RHAG: variants seen among roughly 807,000 people sequenced by gnomAD.
RHAG encodes the protein ammonium transporter Rh type A.
A neutral mutation model predicts 42.4 loss-of-function variants in RHAG; 25 were observed. That is an observed-to-expected ratio of 0.59 (90% confidence interval 0.43 to 0.82). The LOEUF (loss-of-function observed/expected upper bound fraction) is 0.82. RHAG is among the 40% of genes least tolerant of loss of function. The probability of loss-of-function intolerance (pLI) is 0.00; values close to 1 mark genes in which losing one functional copy is unlikely to be tolerated. For missense variants in RHAG, 483 were observed against 504.6 expected (o/e 0.96, Z 0.41); for synonymous variants, 182 against 177.7 (o/e 1.02, Z -0.19).
intron 1 of RHAG, among the ~76,000 whole-genome samples, chr6:49,624,965 ATG>A (rs1762821832): frequency 6.6e-6 from 1 of 152,174 alleles, no homozygotes; most frequent in Non-Finnish European, 1.5e-5. Flanking sequence ...ATGTGTAAAT[ATG>A]TGTTTGTCTG....
At chr6:49,627,866 C>T (rs913593124) in intron 1 of RHAG, among the ~76,000 whole-genome samples, 6 of 152,098 alleles carry the variant, frequency 3.9e-5, no homozygotes, top group Non-Finnish European at 7.4e-5. Flanking sequence ...GATTCAATTA[C>T]CTTCCACTGG....
chr6:49,629,248 T>C (rs1000597010), intron 1 of RHAG, among the ~76,000 whole-genome samples: 3 of 151,764 alleles, frequency 2.0e-5, no homozygotes, highest in Admixed American at 6.6e-5. Context: ...GAGTGCCGAT[T>C]GGTGTATTTA....
chr6:49,624,824 T>C (rs1053970687), intron 1 of RHAG, among the ~76,000 whole-genome samples: 1 of 152,220 alleles, frequency 6.6e-6, no homozygotes, highest in Non-Finnish European at 1.5e-5. Flanking sequence ...CTATCACATG[T>C]AGGATCAATC....
At chr6:49,606,961 G>A in intron 8 of RHAG, 40 bp from the exon 9 acceptor site, 1 of 1,462,854 alleles carries the variant, frequency 6.8e-7, no homozygotes, top group Non-Finnish European at 9.6e-7. Flanking sequence ...TTGTGACGCT[G>A]AAGAGGAAAA....
rs1451866969 is a variant in RHAG, at chr6:49,636,836, C to T, written c.-24G>A. ...ATGTTTGTGGCAAAGGACAGAGGCACACTGAGAGCTTCACAGGCTGTGAGA... is the reference window on the plus strand; with the variant it reads ...ATGTTTGTGGCAAAGGACAGAGGCATACTGAGAGCTTCACAGGCTGTGAGA... On this transcript the variant is annotated 5_prime_UTR_variant, in exon 1 of 10. In the 5' UTR this introduces an upstream ATG that the reference lacks. Transcript: ENST00000371175. 1 of 1,612,990 alleles carries T rather than the reference C, an allele frequency of 6.2e-7. No individual in the cohort carries two copies.
intron 1 of RHAG, among the ~76,000 whole-genome samples, 156 bp downstream of exon 1, chr6:49,636,500 A>G (rs1275227900): frequency 1.3e-5 from 2 of 152,288 alleles, no homozygotes; most frequent in South Asian, 2.1e-4. Context: ...AGAGAAGAAG[A>G]CCAGATGTCA....
intron 1 of RHAG, 105 bp downstream of exon 1, chr6:49,636,551 T>C: frequency 1.7e-6 from 2 of 1,174,322 alleles, no homozygotes; most frequent in Non-Finnish European, 2.6e-6. Flanking sequence ...ATAACCATCA[T>C]ATAATTCTAC....
chr6:49,614,064 C>A (rs1762609999), intron 5 of RHAG, among the ~76,000 whole-genome samples: 1 of 152,138 alleles, frequency 6.6e-6, no homozygotes, highest in Non-Finnish European at 1.5e-5. Flanking sequence ...AACTTGGGAG[C>A]AGTTAACTCT....
At chr6:49,614,119 A>G (rs1762610713) in intron 5 of RHAG, among the ~76,000 whole-genome samples, 1 of 152,066 alleles carries the variant, frequency 6.6e-6, no homozygotes, top group South Asian at 2.1e-4. Flanking sequence ...TTACAAGACT[A>G]CCTTCATTCT....
chr6:49,625,938 C>A (rs1762835830), intron 1 of RHAG, among the ~76,000 whole-genome samples: 1 of 152,172 alleles, frequency 6.6e-6, no homozygotes, highest in South Asian at 2.1e-4. Context: ...CTTTATAAAA[C>A]CATCAGCTCT....
At chr6:49,634,988 A>ACG (rs1364885509) in intron 1 of RHAG, among the ~76,000 whole-genome samples, 2 of 105,970 alleles carry the variant, frequency 1.9e-5, no homozygotes, top group Non-Finnish European at 4.0e-5. Context: ...GTTTGTGTAT[A>ACG]CCTGTGTGTG....
chr6:49,609,941 C>T (rs1332458246), intron 7 of RHAG, among the ~76,000 whole-genome samples: 1 of 151,924 alleles, frequency 6.6e-6, no homozygotes, highest in Non-Finnish European at 1.5e-5. Context: ...AAGCTGGAAA[C>T]CATCATTCTC....
In RHAG at chr6:49,607,104, A is replaced by G. The variant is rs367971927; in HGVS notation, c.1138+46T>C. On this transcript the variant is annotated intron_variant, in intron 8 of 9. Transcript: ENST00000371175. ...GCTCATTAATTATCTATTGTAAATA[A>G]TCTGAGAGCATAAGATACAGGGAAG... The G allele has an allele frequency of 2.7e-6, 4 of 1,495,322 alleles. No homozygotes were observed. The African/African-American group carries it at 4.1e-5, about 15-fold the overall frequency. 92.6% of individuals were successfully genotyped at this position (1,495,322 alleles called of 1,614,324 possible).
Position 49,605,711 on chromosome 6 carries a change from T to C in RHAG, c.*102A>G. ...TACTCCCTTTTTGTTTATTTGGACT[T>C]GATTCTGGATAATGGGAAAGGAAGC... is the stretch of plus-strand genomic sequence containing the variant. On this transcript the variant is annotated 3_prime_UTR_variant, in exon 10 of 10. Transcript: ENST00000371175. 9.0e-7 allele frequency: 1 copy of C among 1,105,792 alleles called. No homozygotes were observed. The highest frequency in any genetic ancestry group is 1.4e-6 in the Non-Finnish European group (1 of 716,086). The allele number at this position is 1,105,792 out of a possible 1,614,324, so 68.5% of individuals were successfully genotyped here.
chr6:49,612,616 G>A, intron 5 of RHAG, 82 bp from the exon 6 acceptor site: 1 of 1,513,934 alleles, frequency 6.6e-7, no homozygotes, highest in East Asian at 2.3e-5. Context: ...GAGTTCAAGA[G>A]ACCCACATCA....
intron 3 of RHAG, among the ~76,000 whole-genome samples, chr6:49,617,322 C>CT (rs1762672488): frequency 6.6e-6 from 1 of 152,162 alleles, no homozygotes; most frequent in South Asian, 2.1e-4. Context: ...TCTCATAGAC[C>CT]TACCCTACAT....
Position 49,626,140 on chromosome 6 carries a change from T to G in RHAG, c.158-6778A>C, listed in dbSNP as rs564036722. 1.5e-4 allele frequency among the ~76,000 whole-genome samples: 23 copies of G among 152,262 alleles called. No homozygotes were observed. In the South Asian group the frequency reaches 4.4e-3, roughly 29 times the overall value. On this transcript the variant is annotated intron_variant, in intron 1 of 9. Coordinates refer to ENST00000371175, the MANE Select transcript of RHAG (RefSeq NM_000324.3). ...CCTCCAAAATCTCATGTTCTTGCAT[T>G]TCAAAACCAATCATGCCTTCCCAAC...
chr6:49,623,636 G>C (rs1762798248), intron 1 of RHAG, among the ~76,000 whole-genome samples: 1 of 152,174 alleles, frequency 6.6e-6, no homozygotes, highest in South Asian at 2.1e-4. Context: ...TGTGGTTGTT[G>C]CAACTTGAGG....
chr6:49,636,513 T>C (rs1763011852), intron 1 of RHAG, 143 bp downstream of exon 1: 3 of 903,292 alleles, frequency 3.3e-6, no homozygotes, highest in African/African-American at 1.7e-5. Context: ...AGATGTCACA[T>C]CACAAACATG....
Sources: gnomAD v4.1 joint callset for allele counts (sites outside exome capture counted in the v4.1 genomes callset) on GRCh38, gnomAD v4.1.1 for gene constraint, MANE v1.5 for transcripts, NCBI Gene and HGNC (gene_info 2026-07-23, HGNC 2026-07-21) for gene names.